CWC27: variants seen among roughly 807,000 people sequenced by gnomAD.
The protein encoded by CWC27 is CWC27 spliceosome associated cyclophilin.
In CWC27, 47 loss-of-function variants were observed where a neutral mutation model predicts 63.6. That is an observed-to-expected ratio of 0.74 (90% CI 0.58 to 0.94). The LOEUF (loss-of-function observed/expected upper bound fraction) is 0.94. Among genes scored for constraint, CWC27 ranks in the 40% least tolerant of loss-of-function variants. The probability of loss-of-function intolerance (pLI) is 0.00; values close to 1 mark genes in which losing one functional copy is unlikely to be tolerated. For missense variants in CWC27, 495 were observed against 554.3 expected, an observed-to-expected ratio of 0.89 and a Z score of 1.07; for synonymous variants, 175 against 179.8, an observed-to-expected ratio of 0.97 and a Z score of 0.22.
In CWC27 at chr5:64,804,310, A is replaced by C. The variant is rs1024961855; in HGVS notation, c.862A>C (p.Lys288Gln). 1.9e-6 allele frequency: 3 copies of C among 1,613,106 alleles called. No individual in the cohort carries two copies. In the African/African-American group the frequency reaches 4.0e-5, roughly 22 times the overall value. The change falls in exon 10 of 14, where the codon AAA becomes CAA. Residue 288 changes from lysine to glutamine, a missense_variant. By Grantham distance (53) the Lys-to-Gln change is moderately conservative. Coordinates refer to ENST00000381070, the MANE Select transcript of CWC27 (RefSeq NM_005869.4). ...KNLMRERIAK[K>Q]LKKDTSANVK... ...CCTGATGAGAGAAAGAATTGCCAAA[A>C]AATTAAAAAAGGACACAAGTGCGAA...
At chr5:65,001,116 T>A (rs1246398202) in intron 13 of CWC27, among the ~76,000 whole-genome samples, 1 of 152,042 alleles carries the variant, frequency 6.6e-6, no homozygotes, top group African/African-American at 2.4e-5. Flanking sequence ...GATTTCTTTT[T>A]CAGATAGTTT....
intron 10 of CWC27, among the ~76,000 whole-genome samples, chr5:64,829,232 G>A (rs575105314): frequency 6.6e-6 from 1 of 152,136 alleles, no homozygotes; most frequent in African/African-American, 2.4e-5. Flanking sequence ...GAGATTATTT[G>A]TTAGGTCCAG....
chr5:64,785,803 C>T (rs1337221245), intron 5 of CWC27, among the ~76,000 whole-genome samples: 1 of 152,012 alleles, frequency 6.6e-6, no homozygotes, highest in African/African-American at 2.4e-5. Context: ...GACTGAAAAG[C>T]TTACCTCATA....
rs552144319 is a variant in CWC27, at chr5:64,965,385, GATAAGATT to G, written c.1043-6316_1043-6309del. Among the ~76,000 whole-genome samples the G allele has an allele frequency of 5.6e-4, 86 of 152,306 alleles. No individual in the cohort carries two copies. In the East Asian group the frequency reaches 0.012, roughly 21 times the overall value. ...TTTGGAAACCAAAAGCTGCAGTAAG[GATAAGATT>G]ACAGTCCAAGACTTTGTCAGATGAC... On this transcript the variant is annotated intron_variant, in intron 11 of 13. Transcript: ENST00000381070.
At chr5:64,963,612 G>T (rs1354357565) in intron 11 of CWC27, among the ~76,000 whole-genome samples, 1 of 152,132 alleles carries the variant, frequency 6.6e-6, no homozygotes, top group Non-Finnish European at 1.5e-5. Flanking sequence ...AAATAGTTGG[G>T]TTTTTGTGGC....
chr5:64,839,885 T>A (rs1745756920), intron 10 of CWC27, among the ~76,000 whole-genome samples: 1 of 151,588 alleles, frequency 6.6e-6, no homozygotes, highest in Non-Finnish European at 1.5e-5. Context: ...GGGAACTGAT[T>A]GAGTGACCAA....
chr5:65,007,170 G>C (rs571582225), intron 13 of CWC27, among the ~76,000 whole-genome samples: 1 of 152,244 alleles, frequency 6.6e-6, no homozygotes, highest in South Asian at 2.1e-4. Context: ...TTACATCTAA[G>C]GCCTTTCTCC....
At chr5:64,893,121 A>G (rs1747281756) in intron 11 of CWC27, among the ~76,000 whole-genome samples, 1 of 152,222 alleles carries the variant, frequency 6.6e-6, no homozygotes. Context: ...TTTTGTTTGG[A>G]TATTTAGATT....
intron 11 of CWC27, among the ~76,000 whole-genome samples, chr5:64,966,450 G>A (rs1402050272): frequency 6.6e-6 from 1 of 152,130 alleles, no homozygotes; most frequent in Admixed American, 6.5e-5. Context: ...TTTGTTAGGT[G>A]TTTGCCACAT....
At chr5:64,802,297 G>A (rs540632628) in intron 9 of CWC27, among the ~76,000 whole-genome samples, 6 of 152,270 alleles carry the variant, frequency 3.9e-5, no homozygotes, top group Admixed American at 1.3e-4. Context: ...AAAATGGTCC[G>A]AAGCAGGAGA....
intron 11 of CWC27, among the ~76,000 whole-genome samples, chr5:64,906,536 ATTTG>A (rs1382522957): frequency 6.6e-6 from 1 of 152,052 alleles, no homozygotes; most frequent in Non-Finnish European, 1.5e-5. Flanking sequence ...TCTCTTGCAA[ATTTG>A]TTTAAGTTCT....
chr5:64,817,226 T>C (rs1269313622), intron 10 of CWC27, among the ~76,000 whole-genome samples: 1 of 152,166 alleles, frequency 6.6e-6, no homozygotes, highest in Non-Finnish European at 1.5e-5. Flanking sequence ...GAGTTATTCT[T>C]AGTAGCCATT....
At chr5:64,907,986 G>A (rs6894066) in intron 11 of CWC27, among the ~76,000 whole-genome samples, 14,439 of 151,974 alleles carry the variant, frequency 0.095, 2,093 homozygotes, top group African/African-American at 0.31. Flanking sequence ...TTAAGGTGTC[G>A]ATTTTAGATC....
chr5:64,855,865 CTTTTAGAGAAAGAAATTCTTTCCTG>C (rs1344788156), intron 10 of CWC27, among the ~76,000 whole-genome samples: 4 of 152,020 alleles, frequency 2.6e-5, no homozygotes, highest in African/African-American at 7.2e-5. Context: ...CTCATACTTG[CTTTTAGAGAAAGAAATTCTTTCCTG>C]TTTTAGGCCT....
At chr5:64,994,345 G>A (rs1031411913) in intron 13 of CWC27, among the ~76,000 whole-genome samples, 1 of 151,914 alleles carries the variant, frequency 6.6e-6, no homozygotes, top group East Asian at 1.9e-4. Context: ...CTATCAAGAG[G>A]ATATTGCATA....
intron 13 of CWC27, among the ~76,000 whole-genome samples, chr5:65,006,889 A>G (rs1021863517): frequency 6.6e-6 from 1 of 151,862 alleles, no homozygotes; most frequent in Non-Finnish European, 1.5e-5. Context: ...ATAAACCCCC[A>G]TGACACGTTA....
intron 10 of CWC27, among the ~76,000 whole-genome samples, chr5:64,825,533 T>C (rs2112254307): frequency 6.6e-6 from 1 of 152,340 alleles, no homozygotes; most frequent in South Asian, 2.1e-4. Flanking sequence ...TTTCTACTTA[T>C]TTAATTTGCT....
At chr5:64,882,448 TA>T (rs2112339152) in intron 10 of CWC27, among the ~76,000 whole-genome samples, 1 of 152,352 alleles carries the variant, frequency 6.6e-6, no homozygotes, top group Non-Finnish European at 1.5e-5. Context: ...GCTATAAGTG[TA>T]AAATGCACAC....
intron 11 of CWC27, among the ~76,000 whole-genome samples, chr5:64,923,157 G>A (rs1748030701): frequency 6.6e-6 from 1 of 152,130 alleles, no homozygotes; most frequent in Non-Finnish European, 1.5e-5. Context: ...TTTCCAGCAG[G>A]ACGCTGTCAG....
Sources: gnomAD v4.1 joint callset for allele counts (sites outside exome capture counted in the v4.1 genomes callset) on GRCh38, gnomAD v4.1.1 for gene constraint, MANE v1.5 for transcripts, NCBI Gene and HGNC (gene_info 2026-07-23, HGNC 2026-07-21) for gene names.